MACROD2: variants seen among roughly 807,000 people sequenced by gnomAD.
The protein encoded by MACROD2 is mono-ADP ribosylhydrolase 2, also known as ADP-ribose glycohydrolase MACROD2.
Under a neutral mutation model 70.4 loss-of-function variants are expected in MACROD2, and 36 were observed. The ratio of observed to expected loss-of-function variants is 0.51; its 90% confidence interval spans 0.39 to 0.68. The LOEUF is 0.68. Ranked by LOEUF, MACROD2 falls within the 30% of genes least tolerant of loss-of-function variation. MACROD2 has a pLI of 0.00. For missense variants in MACROD2, 496 were observed against 538.4 expected, an observed-to-expected ratio of 0.92 and a Z score of 0.78; for synonymous variants, 172 against 178.8, an observed-to-expected ratio of 0.96 and a Z score of 0.30.
intron 8 of MACROD2, among the ~76,000 whole-genome samples, chr20:15,593,612 C>A (rs1204409991): frequency 6.6e-6 from 1 of 152,180 alleles, no homozygotes; most frequent in Admixed American, 6.5e-5. Context: ...CAGATCTGTG[C>A]AGACTTTGTT....
chr20:14,441,638 G>A (rs2084124549), intron 3 of MACROD2, among the ~76,000 whole-genome samples: 1 of 152,126 alleles, frequency 6.6e-6, no homozygotes, highest in Admixed American at 6.5e-5. Flanking sequence ...CATCATACAA[G>A]TCAGTTTGGT....
chr20:14,006,353 A>T (rs950211295), intron 2 of MACROD2, among the ~76,000 whole-genome samples: 1 of 152,200 alleles, frequency 6.6e-6, no homozygotes. Context: ...ATTTTATTTC[A>T]TCTATACCAG....
intron 4 of MACROD2, among the ~76,000 whole-genome samples, chr20:14,588,186 A>G (rs1226567933): frequency 6.6e-6 from 1 of 151,812 alleles, no homozygotes; most frequent in Admixed American, 6.6e-5. Flanking sequence ...CCATCCTTTC[A>G]TTTTCTCCTC....
intron 8 of MACROD2, among the ~76,000 whole-genome samples, chr20:15,634,329 G>A (rs1215018673): frequency 6.6e-6 from 1 of 152,152 alleles, no homozygotes; most frequent in African/African-American, 2.4e-5. Flanking sequence ...TCAATTTCCT[G>A]TTTGAATGGT....
chr20:15,407,394 G>A (rs2046018133), intron 6 of MACROD2, among the ~76,000 whole-genome samples: 1 of 152,186 alleles, frequency 6.6e-6, no homozygotes, highest in South Asian at 2.1e-4. Context: ...CTGTTCACTA[G>A]TGTACACTCT....
At chr20:15,871,280 G>A (rs2064579830) in intron 9 of MACROD2, among the ~76,000 whole-genome samples, 1 of 151,820 alleles carries the variant, frequency 6.6e-6, no homozygotes, top group African/African-American at 2.4e-5. Context: ...TACCCAGGCA[G>A]TATTTAAATT....
At chr20:14,657,489 G>A (rs1196221764) in intron 4 of MACROD2, among the ~76,000 whole-genome samples, 1 of 152,196 alleles carries the variant, frequency 6.6e-6, no homozygotes, top group Non-Finnish European at 1.5e-5. Context: ...GTTACACACT[G>A]TGAGAAAAGA....
intron 3 of MACROD2, among the ~76,000 whole-genome samples, chr20:14,092,066 A>T (rs2054157335): frequency 6.6e-6 from 1 of 152,166 alleles, no homozygotes; most frequent in South Asian, 2.1e-4. Flanking sequence ...GCAATGTGTG[A>T]TAGGTTCAGT....
At chr20:15,038,813 G>A (rs1159145507) in intron 5 of MACROD2, among the ~76,000 whole-genome samples, 2 of 152,170 alleles carry the variant, frequency 1.3e-5, no homozygotes, top group African/African-American at 2.4e-5. Flanking sequence ...TGCTATCATA[G>A]GAGTGAATCA....
intron 5 of MACROD2, among the ~76,000 whole-genome samples, chr20:14,735,426 A>T (rs1600604072): frequency 6.6e-6 from 1 of 152,216 alleles, no homozygotes; most frequent in Non-Finnish European, 1.5e-5. Flanking sequence ...AGTGCAAATG[A>T]AAACCAAAGT....
At chr20:15,293,507 C>CA (rs2077559487) in intron 6 of MACROD2, among the ~76,000 whole-genome samples, 1 of 152,000 alleles carries the variant, frequency 6.6e-6, no homozygotes, top group South Asian at 2.1e-4. Flanking sequence ...AACAACTAAA[C>CA]AAAAAAAGAA....
At chr20:15,646,617 C>G (rs891420423) in intron 8 of MACROD2, among the ~76,000 whole-genome samples, 3 of 152,122 alleles carry the variant, frequency 2.0e-5, no homozygotes, top group Non-Finnish European at 2.9e-5. Context: ...CCGCACGTAT[C>G]GAGGGAGAGA....
chr20:15,943,768 C>T (rs1430851602), intron 12 of MACROD2, among the ~76,000 whole-genome samples: 1 of 151,992 alleles, frequency 6.6e-6, no homozygotes, highest in African/African-American at 2.4e-5. Flanking sequence ...TAAGCTTATA[C>T]AATCCCTTTA....
At chr20:15,431,551 C>G (rs2046363520) in intron 7 of MACROD2, 116 bp downstream of exon 7, 1 of 924,616 alleles carries the variant, frequency 1.1e-6, no homozygotes, top group Non-Finnish European at 1.7e-6. Flanking sequence ...GATTTAGAGA[C>G]TAAAAATGCT....
At chr20:15,389,711 TTAAATTTTGTAATTGATGA>T (rs2045766800) in intron 6 of MACROD2, among the ~76,000 whole-genome samples, 1 of 152,228 alleles carries the variant, frequency 6.6e-6, no homozygotes, top group Admixed American at 6.5e-5. Context: ...TCAGAGCTTT[TTAAATTTTGTAATTGATGA>T]TAAGGTATTA....
intron 5 of MACROD2, among the ~76,000 whole-genome samples, chr20:15,055,752 C>T (rs1478359104): frequency 6.6e-6 from 1 of 151,376 alleles, no homozygotes; most frequent in Non-Finnish European, 1.5e-5. Context: ...GTCAGAATTG[C>T]CAGCTTCTGG....
chr20:15,787,997 G>A (rs6135516), intron 8 of MACROD2, among the ~76,000 whole-genome samples: 5,893 of 152,024 alleles, frequency 0.039, 388 homozygotes, highest in East Asian at 0.33. Flanking sequence ...TAATGTAATC[G>A]TTTCCATCTG....
intron 3 of MACROD2, among the ~76,000 whole-genome samples, chr20:14,376,500 C>A (rs4814296): frequency 0.28 from 42,472 of 152,002 alleles, 6,954 homozygotes; most frequent in South Asian, 0.58. Flanking sequence ...ATAATCCCAG[C>A]ACTTTGGGAG....
At chr20:15,827,069 C>A (rs2064004807) in intron 8 of MACROD2, among the ~76,000 whole-genome samples, 1 of 152,134 alleles carries the variant, frequency 6.6e-6, no homozygotes, top group African/African-American at 2.4e-5. Flanking sequence ...TCTTGAAAGC[C>A]ATTTTCTTCC....
Sources: gnomAD v4.1 joint callset for allele counts (sites outside exome capture counted in the v4.1 genomes callset) on GRCh38, gnomAD v4.1.1 for gene constraint, MANE v1.5 for transcripts, NCBI Gene and HGNC (gene_info 2026-07-23, HGNC 2026-07-21) for gene names.